Variants in EMC2 observed in about 807,000 individuals in gnomAD.
EMC2 encodes the protein ER membrane protein complex subunit 2.
In EMC2, 37 loss-of-function variants were observed where a neutral mutation model predicts 51.6. The ratio of observed to expected loss-of-function variants is 0.72; its 90% CI spans 0.55 to 0.94. EMC2 has a LOEUF of 0.94. EMC2 is among the 40% of genes least tolerant of loss of function. The pLI, the probability that EMC2 is intolerant of heterozygous loss-of-function variation, is 0.00. For missense variants in EMC2, 359 were observed against 350.9 expected, an observed-to-expected ratio of 1.02 and a Z score of -0.18; for synonymous variants, 131 against 112.4, an observed-to-expected ratio of 1.17 and a Z score of -1.04.
intron 10 of EMC2, among the ~76,000 whole-genome samples, chr8:108,481,068 T>A (rs1240536158): frequency 2.6e-5 from 4 of 152,152 alleles, no homozygotes; most frequent in Non-Finnish European, 5.9e-5. Context: ...TAATCTTTTG[T>A]TGGTCATGCT....
chr8:108,445,859 C>G (rs751933971), intron 1 of EMC2, among the ~76,000 whole-genome samples: 10 of 152,126 alleles, frequency 6.6e-5, no homozygotes, highest in Non-Finnish European at 1.2e-4. Context: ...AACACATTGT[C>G]AGAAAAGATT....
chr8:108,446,907 C>G (rs1430488420), intron 1 of EMC2, among the ~76,000 whole-genome samples: 1 of 151,910 alleles, frequency 6.6e-6, no homozygotes, highest in Non-Finnish European at 1.5e-5. Flanking sequence ...TAAAATGTTG[C>G]TTGTTTTGTA....
intron 9 of EMC2, 56 bp from the exon 10 acceptor site, chr8:108,478,950 A>G (rs1810997288): frequency 3.2e-6 from 3 of 925,626 alleles, no homozygotes; most frequent in East Asian, 2.8e-5. Context: ...TATGTTTTTG[A>G]TTATCTTGAC....
chr8:108,473,983 G>A (rs1306344011), intron 7 of EMC2: 1 of 151,940 alleles, frequency 6.6e-6, no homozygotes, highest in African/African-American at 2.4e-5. Flanking sequence ...CACTTTCTGC[G>A]TGGCCTAACA....
chr8:108,485,675 G>A (rs1199749056), intron 10 of EMC2, among the ~76,000 whole-genome samples: 1 of 150,346 alleles, frequency 6.7e-6, no homozygotes, highest in Admixed American at 6.7e-5. Context: ...TGTCAGTCCA[G>A]TTAACAAACT....
intron 5 of EMC2, among the ~76,000 whole-genome samples, chr8:108,458,001 C>T (rs976131670): frequency 1.3e-5 from 2 of 152,178 alleles, no homozygotes; most frequent in Non-Finnish European, 2.9e-5. Flanking sequence ...TGGATAAATA[C>T]AGCCATTCCA....
At chr8:108,454,892 C>G (rs904932472) in intron 4 of EMC2, among the ~76,000 whole-genome samples, 1 of 152,040 alleles carries the variant, frequency 6.6e-6, no homozygotes, top group African/African-American at 2.4e-5. Flanking sequence ...AAATATTTCC[C>G]TCTACTCTTT....
chr8:108,469,958 T>G, intron 6 of EMC2, 47 bp downstream of exon 6: 1 of 1,556,504 alleles, frequency 6.4e-7, no homozygotes, highest in South Asian at 1.1e-5. Flanking sequence ...TGATAAATCT[T>G]TTTTAATTAA....
rs76589494 is a variant in EMC2 at position 108,451,568 on chromosome 8, A to T, written c.219+1076A>T. Among the ~76,000 whole-genome samples, 927 of 152,088 alleles carry T rather than the reference A, an allele frequency of 6.1e-3. 13 individuals are homozygous for T. Among genetic ancestry groups the T allele is most frequent in the African/African-American group, 0.021 (883 of 41,330 alleles). ...CTTTTCAAGGTTGGGTTGGCTATAC[A>T]TGTAATTCTAGTGGAGCTGTTAGTG... On this transcript the variant is annotated intron_variant, in intron 3 of 10. Coordinates refer to ENST00000220853, the MANE Select transcript of EMC2 (RefSeq NM_014673.5).
intron 1 of EMC2, among the ~76,000 whole-genome samples, chr8:108,444,773 T>G (rs1818837562): frequency 6.6e-6 from 1 of 152,164 alleles, no homozygotes; most frequent in Non-Finnish European, 1.5e-5. Context: ...ATACCTGAAT[T>G]GAGGGATTCC....
intron 5 of EMC2, among the ~76,000 whole-genome samples, chr8:108,469,415 A>C (rs887132869): frequency 3.3e-5 from 5 of 152,172 alleles, no homozygotes; most frequent in African/African-American, 1.2e-4. Context: ...ATATTTATAT[A>C]ATGATATTCA....
chr8:108,443,866 C>G (rs972878391), intron 1 of EMC2, among the ~76,000 whole-genome samples, 168 bp downstream of exon 1: 1 of 152,180 alleles, frequency 6.6e-6, no homozygotes, highest in Non-Finnish European at 1.5e-5. Context: ...TCCCTTGGCC[C>G]GGACGCGTAC....
intron 1 of EMC2, among the ~76,000 whole-genome samples, chr8:108,445,492 A>G (rs1818856820): frequency 6.6e-6 from 1 of 151,850 alleles, no homozygotes; most frequent in Non-Finnish European, 1.5e-5. Context: ...TCTTGCCCCC[A>G]TTAAACTTTA....
chr8:108,465,988 G>T (rs1290468665), intron 5 of EMC2, among the ~76,000 whole-genome samples: 1 of 152,048 alleles, frequency 6.6e-6, no homozygotes, highest in East Asian at 1.9e-4. Context: ...ATGATGATGT[G>T]ATAATGAAGA....
intron 10 of EMC2, 48 bp downstream of exon 10, chr8:108,479,158 CT>C: frequency 8.7e-7 from 1 of 1,143,264 alleles, no homozygotes. Context: ...TAATGTATTT[CT>C]TAGTTTTGTT....
At position 108,488,068 on chromosome 8, in the gene EMC2, C is replaced by T. The variant is rs946512853; in HGVS notation, c.*1470C>T. ...GTTTCACTACCTTTTCCCCTTCAAA[C>T]CTCCTCCCCGTCAGTCACTGGATTA... On this transcript the variant is annotated 3_prime_UTR_variant, in exon 11 of 11. Transcript: ENST00000220853. 6.6e-6 allele frequency among the ~76,000 whole-genome samples: 1 copy of T among 152,108 alleles called. No individual in the cohort carries two copies. The highest frequency in any genetic ancestry group is 2.4e-5 in the African/African-American group (1 of 41,414).
intron 5 of EMC2, among the ~76,000 whole-genome samples, chr8:108,456,237 G>A (rs989700923): frequency 6.7e-6 from 1 of 149,150 alleles, no homozygotes. Context: ...GGAGGCTGAG[G>A]CAGGAGAATC....
intron 3 of EMC2, among the ~76,000 whole-genome samples, chr8:108,451,716 G>A (rs1347031549): frequency 6.6e-6 from 1 of 151,658 alleles, no homozygotes; most frequent in Non-Finnish European, 1.5e-5. Context: ...TATTTTTTTT[G>A]AAATAGCCAA....
intron 10 of EMC2, among the ~76,000 whole-genome samples, chr8:108,483,326 G>GC (rs959438410): frequency 1.3e-5 from 2 of 151,914 alleles, no homozygotes; most frequent in African/African-American, 2.4e-5. Context: ...CCCCTTACCA[G>GC]CCCCCCACTC....
Sources: allele counts gnomAD v4.1 joint callset (sites outside exome capture counted in the v4.1 genomes callset), GRCh38; gene constraint gnomAD v4.1.1; transcripts MANE v1.5; gene names NCBI Gene and HGNC (gene_info 2026-07-23, HGNC 2026-07-21).